The following NUDT19 variants were observed in gnomAD, a reference collection of about 807,000 sequenced individuals.
The protein encoded by NUDT19 is nudix hydrolase 19.
NUDT19 carries 31 observed loss-of-function variants against 22.2 expected under a neutral mutation model. The observed-to-expected ratio is 1.40, with a 90% CI of 1.05 to 1.89. The LOEUF (loss-of-function observed/expected upper bound fraction) is 1.89, where lower values mean the gene tolerates loss of function less well. Among genes scored for constraint, NUDT19 ranks in the 40% most tolerant of loss-of-function variants. The pLI, the probability that NUDT19 is intolerant of heterozygous loss-of-function variation, is 0.00. For synonymous variants in NUDT19, 325 were observed against 230.8 expected (o/e 1.41, Z -3.70); for missense variants, 752 against 514.2 (o/e 1.46, Z -4.47).
At chr19:32,704,611 T>C (rs1052633651) in intron 1 of NUDT19, among the ~76,000 whole-genome samples, 1 of 152,242 alleles carries the variant, frequency 6.6e-6, no homozygotes, top group Non-Finnish European at 1.5e-5. Flanking sequence ...TTTTCCTTTG[T>C]ATCTTTACAG....
At position 32,709,259 on chromosome 19, in the gene NUDT19, A is replaced by G; in HGVS notation, c.789A>G (p.Glu263=). ...GGTTGCCACCCCCACAGTTCTACGA[A>G]GTGAGAAGACTTGCAAACTTTGCCT... ...EIWLPPPQFY[E]VRRLANFASL... The change falls in exon 2 of 3, where the codon GAA becomes GAG. Residue 263 remains glutamate, a synonymous_variant. Coordinates refer to ENST00000397061, the MANE Select transcript of NUDT19 (RefSeq NM_001105570.2). The G allele has an allele frequency of 1.9e-6, 3 of 1,614,198 alleles. No individual in the cohort carries two copies. The highest frequency in any genetic ancestry group is 1.7e-6 in the Non-Finnish European group (2 of 1,180,028).
At chr19:32,698,583 A>C (rs950773990) in intron 1 of NUDT19, among the ~76,000 whole-genome samples, 2 of 151,638 alleles carry the variant, frequency 1.3e-5, no homozygotes, top group African/African-American at 4.8e-5. Flanking sequence ...TGTGCTCACC[A>C]ACGCAGCAGC....
chr19:32,709,484 A>C, intron 2 of NUDT19, 92 bp downstream of exon 2: 2 of 991,662 alleles, frequency 2.0e-6, no homozygotes, highest in Non-Finnish European at 3.2e-6. Flanking sequence ...GACAGGAATT[A>C]CAGTCTGTGT....
intron 1 of NUDT19, among the ~76,000 whole-genome samples, chr19:32,695,881 T>TA (rs1198404100): frequency 6.6e-6 from 1 of 152,222 alleles, no homozygotes; most frequent in Non-Finnish European, 1.5e-5. Context: ...AAGGCTCGGG[T>TA]AAGTGCCACT....
chr19:32,692,424 G>A lies in NUDT19; in HGVS notation c.464G>A (p.Gly155Asp), dbSNP rs1195505692. The change falls in exon 1 of 3, where the codon GGC (glycine) becomes GAC (aspartate). Residue 155 changes from glycine (G) to aspartate (D), a missense_variant. Physicochemically the swap from Gly to Asp is moderately conservative, Grantham distance 94 (BLOSUM62 -1). Transcript: ENST00000397061. The stretch of plus-strand genomic sequence containing the variant: ...CCACCAGGCCCAGCACCCGGGCCTG[G>A]CCTCGCCCTGGAGCCACCGCCGGGC... Reference protein sequence around the residue: ...TSPPGPAPGPGLALEPPPGLA... With the variant: ...TSPPGPAPGPDLALEPPPGLA... 6.4e-7 allele frequency: 1 copy of A among 1,554,586 alleles called. No homozygotes were observed. The highest frequency in any genetic ancestry group is 1.2e-5 in the South Asian group (1 of 86,820).
Position 32,691,961 on chromosome 19 carries a change from ATGAGCAGCTCCC to A in NUDT19, c.4_15del (p.SerSerSerLeu2_?5), listed in dbSNP as rs1235568865. On this transcript the variant is annotated start_lost and inframe_deletion, in exon 1 of 3. Transcript: ENST00000397061. The stretch of plus-strand genomic sequence containing the variant: ...AATCGGATCCGGGAAGCTGCGCGCC[ATGAGCAGCTCCC>A]TGCGGCCGGGCCCCAGCCGCTGGCG... The A allele has an allele frequency of 4.9e-6, 6 of 1,223,050 alleles. No individual in the cohort carries two copies. The African/African-American group carries it at 7.9e-5, about 16-fold the overall frequency. 75.8% of individuals were successfully genotyped at this position (1,223,050 alleles called of 1,614,324 possible).
Position 32,692,041 on chromosome 19 carries a change from G to T in NUDT19, c.81G>T (p.Pro27=), listed in dbSNP as rs1347881093. 1.0e-5 allele frequency: 13 copies of T among 1,275,660 alleles called. No homozygotes were observed. In the East Asian group the frequency reaches 3.8e-4, roughly 37 times the overall value. 79.0% of individuals were successfully genotyped at this position (1,275,660 alleles called of 1,614,324 possible). The stretch of plus-strand genomic sequence containing the variant: ...TCCTGGCGGCTGGCTGGTCGCGCCC[G>T]GAGACCGCCACCCCGCCGTCGCGCC... The part of the protein sequence containing the change: ...SIVLAAGWSR[P]ETATPPSRPP... The change falls in exon 1 of 3, where the codon CCG becomes CCT. Residue 27 remains proline, a synonymous_variant. Coordinates refer to ENST00000397061, the MANE Select transcript of NUDT19 (RefSeq NM_001105570.2).
At chr19:32,701,036 T>C (rs1385543569) in intron 1 of NUDT19, among the ~76,000 whole-genome samples, 1 of 147,334 alleles carries the variant, frequency 6.8e-6, no homozygotes, top group Non-Finnish European at 1.5e-5. Flanking sequence ...TCAGGCCCTT[T>C]CTCAAAAAAA....
rs75898140 is a variant in NUDT19, at chr19:32,708,758, T to A, written c.715-427T>A. 9.8e-3 allele frequency among the ~76,000 whole-genome samples: 1,493 copies of A among 152,240 alleles called. 24 individuals are homozygous for A. The highest frequency in any genetic ancestry group is 0.034 in the African/African-American group (1,423 of 41,554). ...GCCTAGGAGAGCTTTGTGGTGTCCA[T>A]CATTATATCCTCAGGATCTAGCCAA... On this transcript the variant is annotated intron_variant, in intron 1 of 2. Transcript: ENST00000397061.
intron 1 of NUDT19, among the ~76,000 whole-genome samples, chr19:32,695,769 A>C (rs965518736): frequency 6.6e-6 from 1 of 152,252 alleles, no homozygotes; most frequent in African/African-American, 2.4e-5. Flanking sequence ...CCCAGAGGTT[A>C]GGAACGCTCT....
At chr19:32,706,199 C>T (rs1304929553) in intron 1 of NUDT19, among the ~76,000 whole-genome samples, 1 of 152,208 alleles carries the variant, frequency 6.6e-6, no homozygotes, top group African/African-American at 2.4e-5. Context: ...GTGCACCCTA[C>T]ACAGATTTCT....
intron 1 of NUDT19, among the ~76,000 whole-genome samples, chr19:32,697,814 G>A (rs1257274787): frequency 6.6e-6 from 1 of 152,154 alleles, no homozygotes; most frequent in Non-Finnish European, 1.5e-5. Flanking sequence ...TAGGACATCT[G>A]TATACCTATC....
intron 1 of NUDT19, 98 bp from the exon 2 acceptor site, chr19:32,709,087 T>TA: frequency 1.2e-6 from 1 of 806,442 alleles, no homozygotes; most frequent in South Asian, 1.4e-5. Flanking sequence ...GAATTCATTT[T>TA]ACACATTCAG....
At chr19:32,711,574 T>C (rs887512572) in intron 2 of NUDT19, among the ~76,000 whole-genome samples, 178 bp from the exon 3 acceptor site, 3 of 152,172 alleles carry the variant, frequency 2.0e-5, no homozygotes, top group African/African-American at 4.8e-5. Context: ...TAAATACTGA[T>C]TTAACAACTA....
chr19:32,699,930 G>A (rs1295820540), intron 1 of NUDT19, among the ~76,000 whole-genome samples: 1 of 152,134 alleles, frequency 6.6e-6, no homozygotes, highest in Non-Finnish European at 1.5e-5. Flanking sequence ...CCTTTGCAGT[G>A]AGTGTTACAG....
intron 1 of NUDT19, among the ~76,000 whole-genome samples, chr19:32,700,721 G>C (rs1481311341): frequency 6.6e-6 from 1 of 152,144 alleles, no homozygotes; most frequent in Non-Finnish European, 1.5e-5. Flanking sequence ...ATAAGCTACT[G>C]TGCCTGGCCA....
intron 1 of NUDT19, among the ~76,000 whole-genome samples, chr19:32,708,712 G>A (rs1159748467): frequency 6.6e-6 from 1 of 152,146 alleles, no homozygotes; most frequent in African/African-American, 2.4e-5. Flanking sequence ...AAAGCATTTT[G>A]GTTGCTGAAG....
chr19:32,709,831 T>TC (rs1968427066), intron 2 of NUDT19, among the ~76,000 whole-genome samples: 1 of 151,702 alleles, frequency 6.6e-6, no homozygotes, highest in Non-Finnish European at 1.5e-5. Flanking sequence ...TGTATTTTTT[T>TC]TTTAGTAGAT....
At chr19:32,696,696 A>C (rs558574367) in intron 1 of NUDT19, among the ~76,000 whole-genome samples, 17 of 152,348 alleles carry the variant, frequency 1.1e-4, no homozygotes, top group African/African-American at 4.1e-4. Context: ...TGAAAGGAGC[A>C]AAGTCTCCCA....
Sources: gnomAD v4.1 joint callset for allele counts (sites outside exome capture counted in the v4.1 genomes callset) on GRCh38, gnomAD v4.1.1 for gene constraint, MANE v1.5 for transcripts, NCBI Gene and HGNC (gene_info 2026-07-23, HGNC 2026-07-21) for gene names.